NEGR1: variants seen among roughly 807,000 people sequenced by gnomAD.
The protein encoded by NEGR1 is IgLON family member 4.
Under a neutral mutation model 40.9 loss-of-function variants are expected in NEGR1, and 10 were observed. That is an observed-to-expected ratio of 0.24 (90% CI 0.15 to 0.42). The LOEUF is 0.42. NEGR1 is among the 10% of genes least tolerant of loss of function. The pLI, the probability that NEGR1 is intolerant of heterozygous loss-of-function variation, is 1.00. For synonymous variants in NEGR1, 185 were observed against 166.8 expected (o/e 1.11, Z -0.84); for missense variants, 352 against 438.9 (o/e 0.80, Z 1.77).
intron 6 of NEGR1, among the ~76,000 whole-genome samples, chr1:71,528,497 T>C (rs1237212167): frequency 2.0e-5 from 3 of 151,274 alleles, no homozygotes; most frequent in East Asian, 3.9e-4. Context: ...AGAAAATGGA[T>C]CTTCCTGGGG....
At chr1:71,957,973 A>G (rs1646132567) in intron 1 of NEGR1, among the ~76,000 whole-genome samples, 1 of 152,168 alleles carries the variant, frequency 6.6e-6, no homozygotes, top group Admixed American at 6.5e-5. Context: ...GAGTTGCCTG[A>G]AATGTCCTCA....
intron 6 of NEGR1, among the ~76,000 whole-genome samples, chr1:71,534,943 A>G (rs1001242637): frequency 1.3e-5 from 2 of 151,656 alleles, no homozygotes. Context: ...TCTAATGAAC[A>G]CTGTCCTTTT....
At chr1:71,927,196 T>C (rs1390292420) in intron 2 of NEGR1, among the ~76,000 whole-genome samples, 1 of 152,124 alleles carries the variant, frequency 6.6e-6, no homozygotes, top group Non-Finnish European at 1.5e-5. Context: ...CATGTAACCA[T>C]AGCAATTCTA....
chr1:72,146,627 CATAA>C (rs1242627180), intron 1 of NEGR1, among the ~76,000 whole-genome samples: 1 of 151,900 alleles, frequency 6.6e-6, no homozygotes, highest in African/African-American at 2.4e-5. Flanking sequence ...ATACATGAAA[CATAA>C]ATAAATTTTG....
intron 6 of NEGR1, among the ~76,000 whole-genome samples, chr1:71,424,064 G>A (rs774399598): frequency 2.1e-5 from 3 of 141,092 alleles, no homozygotes; most frequent in Admixed American, 1.5e-4. Flanking sequence ...ACTGTCAGAC[G>A]CTAATAGTTA....
At chr1:71,448,460 A>C (rs1001405913) in intron 6 of NEGR1, among the ~76,000 whole-genome samples, 6 of 152,198 alleles carry the variant, frequency 3.9e-5, no homozygotes, top group East Asian at 1.9e-4. Context: ...TTAGCCGTGC[A>C]TGGTGGCATA....
At chr1:71,580,009 T>C (rs1161617714) in intron 6 of NEGR1, among the ~76,000 whole-genome samples, 1 of 152,196 alleles carries the variant, frequency 6.6e-6, no homozygotes, top group East Asian at 1.9e-4. Context: ...CATGCACACG[T>C]ATGCTCATTG....
intron 1 of NEGR1, among the ~76,000 whole-genome samples, chr1:71,942,452 A>AATATAT (rs1409165579): frequency 5.8e-4 from 20 of 34,254 alleles, no homozygotes; most frequent in South Asian, 1.7e-3. Flanking sequence ...AAATTCTTTA[A>AATATAT]ATCTATATAT....
chr1:71,776,828 G>A (rs551397881), intron 2 of NEGR1, among the ~76,000 whole-genome samples: 61 of 152,228 alleles, frequency 4.0e-4, no homozygotes, highest in Admixed American at 9.8e-4. Flanking sequence ...AGTAGGGCTA[G>A]ACTTTCTCAA....
intron 6 of NEGR1, among the ~76,000 whole-genome samples, chr1:71,414,309 T>C (rs1307772102): frequency 6.6e-6 from 1 of 152,186 alleles, no homozygotes; most frequent in African/African-American, 2.4e-5. Flanking sequence ...TTAAATCCTC[T>C]CTGAAGCAAT....
intron 6 of NEGR1, among the ~76,000 whole-genome samples, chr1:71,416,870 A>G (rs139674247): frequency 1.3e-5 from 2 of 152,324 alleles, no homozygotes; most frequent in African/African-American, 4.8e-5. Context: ...CAGTACTCGT[A>G]TATCAGTGCC....
chr1:71,523,197 G>A (rs1361948242), intron 6 of NEGR1, among the ~76,000 whole-genome samples: 3 of 151,646 alleles, frequency 2.0e-5, no homozygotes, highest in African/African-American at 4.8e-5. Flanking sequence ...GTGAGGATGG[G>A]AGGAGCCAAT....
At chr1:71,719,750 A>G (rs907918943) in intron 3 of NEGR1, among the ~76,000 whole-genome samples, 1 of 151,856 alleles carries the variant, frequency 6.6e-6, no homozygotes, top group Non-Finnish European at 1.5e-5. Context: ...TACATTAGGT[A>G]TTTCTCCTAA....
At chr1:71,933,395 A>G (rs571066827) in intron 2 of NEGR1, among the ~76,000 whole-genome samples, 18 of 152,218 alleles carry the variant, frequency 1.2e-4, no homozygotes, top group Admixed American at 9.8e-4. Flanking sequence ...CTTCAGAAAT[A>G]TATCATTTAA....
chr1:71,850,074 C>T (rs372939608), intron 2 of NEGR1, among the ~76,000 whole-genome samples: 108 of 149,508 alleles, frequency 7.2e-4, no homozygotes, highest in African/African-American at 2.5e-3. Context: ...TTGACATATC[C>T]ATTACTTACA....
At chr1:71,972,270 A>G (rs1223578070) in intron 1 of NEGR1, among the ~76,000 whole-genome samples, 1 of 152,208 alleles carries the variant, frequency 6.6e-6, no homozygotes, top group Non-Finnish European at 1.5e-5. Context: ...ATAAGTAGAC[A>G]CCATGCTAGG....
At chr1:71,998,704 G>A (rs1254452154) in intron 1 of NEGR1, among the ~76,000 whole-genome samples, 1 of 151,046 alleles carries the variant, frequency 6.6e-6, no homozygotes, top group Non-Finnish European at 1.5e-5. Context: ...TTTATATAGA[G>A]ATATAAATAT....
At chr1:72,157,303 G>T (rs143323806) in intron 1 of NEGR1, among the ~76,000 whole-genome samples, 1 of 152,164 alleles carries the variant, frequency 6.6e-6, no homozygotes, top group East Asian at 1.9e-4. Context: ...TTGTATTGGA[G>T]ATTAATACAA....
At chr1:71,834,817 AAC>A (rs2101795284) in intron 2 of NEGR1, among the ~76,000 whole-genome samples, 1 of 151,688 alleles carries the variant, frequency 6.6e-6, no homozygotes, top group African/African-American at 2.4e-5. Context: ...ATGTTACAAT[AAC>A]AGAGTTTTGT....
Sources: allele counts gnomAD v4.1 joint callset (sites outside exome capture counted in the v4.1 genomes callset), GRCh38; gene constraint gnomAD v4.1.1; transcripts MANE v1.5; gene names NCBI Gene and HGNC (gene_info 2026-07-23, HGNC 2026-07-21).